The following TMEM33 variants were observed in gnomAD, a reference collection of about 807,000 sequenced individuals.
TMEM33 encodes transmembrane protein 33.
In TMEM33, 16 loss-of-function variants were observed where a neutral mutation model predicts 29.7. That is an observed-to-expected ratio of 0.54 (90% CI 0.36 to 0.82). The LOEUF (loss-of-function observed/expected upper bound fraction) is 0.82, where lower values mean the gene tolerates loss of function less well. Ranked by LOEUF, TMEM33 falls within the 40% of genes least tolerant of loss-of-function variation. The pLI is 0.00. For synonymous variants in TMEM33, 112 were observed against 109.4 expected, an observed-to-expected ratio of 1.02 and a Z score of -0.15; for missense variants, 252 against 295.3, an observed-to-expected ratio of 0.85 and a Z score of 1.08.
Position 41,957,035 on chromosome 4 carries a change from G to A in TMEM33, c.*2836G>A, listed in dbSNP as rs924435952. On this transcript the variant is annotated 3_prime_UTR_variant, in exon 7 of 7. Coordinates refer to ENST00000504986, the MANE Select transcript of TMEM33 (RefSeq NM_018126.3). ...TCATTGAACTTATTGTTAGTTACAG[G>A]TTTAAAAGAAGTTCATTTAACATCC... The A allele has an allele frequency of 6.6e-6, 1 of 152,120 alleles. No individual in the cohort carries two copies. The highest frequency in any genetic ancestry group is 6.5e-5 in the Admixed American group (1 of 15,268). The allele number at this position is 152,120 out of a possible 1,614,324, so 9.4% of individuals were successfully genotyped here.
In TMEM33 at chr4:41,956,814, T is replaced by C. The variant is rs1219235982; in HGVS notation, c.*2615T>C. The C allele has an allele frequency of 6.6e-6, 1 of 152,124 alleles. No individual in the cohort carries two copies. Among genetic ancestry groups the C allele is most frequent in the Non-Finnish European group, 1.5e-5 (1 of 68,004 alleles). 9.4% of individuals were successfully genotyped at this position (152,124 alleles called of 1,614,324 possible). A position where few individuals can be genotyped will look rare whatever the true frequency, so the allele number is the denominator to read the frequency against. ...ATCTTAAACTTACGAAAAAGTAAAT[T>C]TTACAATTTGAGCATTACTAGATGT... On this transcript the variant is annotated 3_prime_UTR_variant, in exon 7 of 7. Coordinates refer to ENST00000504986, the MANE Select transcript of TMEM33 (RefSeq NM_018126.3).
In TMEM33 at chr4:41,954,078, T is replaced by G; in HGVS notation, c.623T>G (p.Phe208Cys). ...ACTATTTTGTCTTGCAGGACCTTAT[T>G]TAATGAACTGAGGATTGTTGTTGAA... ...SRRNPYCRTLFNELRIVVEHI... is the reference protein window; with the variant it reads ...SRRNPYCRTLCNELRIVVEHI... The change falls in exon 7 of 7, where the codon TTT becomes TGT. Residue 208 changes from phenylalanine (F) to cysteine (C), a missense_variant. Physicochemically the swap from Phe to Cys is radical, Grantham distance 205. Coordinates refer to ENST00000504986, the MANE Select transcript of TMEM33 (RefSeq NM_018126.3). The G allele has an allele frequency of 6.2e-7, 1 of 1,613,706 alleles. No individual in the cohort carries two copies. The highest frequency in any genetic ancestry group is 8.5e-7 in the Non-Finnish European group (1 of 1,179,712).
intron 3 of TMEM33, among the ~76,000 whole-genome samples, chr4:41,940,787 G>A (rs573358489): frequency 1.5e-4 from 19 of 126,646 alleles, no homozygotes; most frequent in Middle Eastern, 7.0e-3. Flanking sequence ...TAGCCTGGGC[G>A]ACAGAGCGAG....
chr4:41,956,332 G>A lies in TMEM33; in HGVS notation c.*2133G>A, dbSNP rs1713266021. 1 of 152,042 alleles carries A rather than the reference G, an allele frequency of 6.6e-6. No homozygotes were observed. Among genetic ancestry groups the A allele is most frequent in the African/African-American group, 2.4e-5 (1 of 41,378 alleles). 9.4% of individuals were successfully genotyped at this position (152,042 alleles called of 1,614,324 possible). A position where few individuals can be genotyped will look rare whatever the true frequency, so the allele number is the denominator to read the frequency against. On this transcript the variant is annotated 3_prime_UTR_variant, in exon 7 of 7. Coordinates refer to ENST00000504986, the MANE Select transcript of TMEM33 (RefSeq NM_018126.3). ...AGTTCTTTTGCATACCCTTTACTCA[G>A]GTCCTCTCATGTTAACGTTTTACAT...
Position 41,954,471 on chromosome 4 carries a change from G to T in TMEM33, c.*272G>T. The T allele has an allele frequency of 4.5e-6, 1 of 220,226 alleles. No individual in the cohort carries two copies. Among genetic ancestry groups the T allele is most frequent in the Non-Finnish European group, 9.0e-6 (1 of 111,288 alleles). 13.6% of individuals were successfully genotyped at this position (220,226 alleles called of 1,614,324 possible). A position where few individuals can be genotyped will look rare whatever the true frequency, so the allele number is the denominator to read the frequency against. ...AGTTTTTTTAAAAAGATGCTGTTGT[G>T]CCTATATCATGAAGTACATTAATTT... On this transcript the variant is annotated 3_prime_UTR_variant, in exon 7 of 7. Coordinates refer to ENST00000504986, the MANE Select transcript of TMEM33 (RefSeq NM_018126.3).
rs1031735868 is a variant in TMEM33, at chr4:41,957,478, C to T, written c.*3279C>T. The T allele has an allele frequency of 2.6e-5, 4 of 151,874 alleles. No homozygotes were observed. The highest frequency in any genetic ancestry group is 6.6e-5 in the Admixed American group (1 of 15,264). 9.4% of individuals were successfully genotyped at this position (151,874 alleles called of 1,614,324 possible). On this transcript the variant is annotated 3_prime_UTR_variant, in exon 7 of 7. Transcript: ENST00000504986. ...ATGAAACCATCAATACTTCCTTCTT[C>T]CTAAAAATCCAGATCAAAACTTCAG... is the stretch of plus-strand genomic sequence containing the variant.
At chr4:41,939,431 A>G (rs1397283979) in intron 3 of TMEM33, 48 bp downstream of exon 3, 4 of 1,586,342 alleles carry the variant, frequency 2.5e-6, no homozygotes, top group Non-Finnish European at 3.4e-6. Context: ...CTAAGCATAT[A>G]GGAGATCTCT....
chr4:41,935,598 T>G, intron 1 of TMEM33, 69 bp downstream of exon 1: 1 of 1,497,276 alleles, frequency 6.7e-7, no homozygotes, highest in South Asian at 1.2e-5. Flanking sequence ...GCGTTGCGAG[T>G]CCCGAGGCGT....
chr4:41,940,807 CAAAAAAAAAAAA>C (rs11390153), intron 3 of TMEM33, among the ~76,000 whole-genome samples: 3 of 53,264 alleles, frequency 5.6e-5, no homozygotes, highest in East Asian at 6.5e-4. Context: ...GACTCCTTCT[CAAAAAAAAAAAA>C]AAAAAAAAAA....
At chr4:41,943,392 G>A (rs553296683) in intron 3 of TMEM33, among the ~76,000 whole-genome samples, 83 of 152,172 alleles carry the variant, frequency 5.5e-4, no homozygotes, top group Non-Finnish European at 9.3e-4. Flanking sequence ...GGGCGTGGTG[G>A]CAGGCGCCTA....
chr4:41,950,270 C>G (rs916042226), intron 6 of TMEM33, among the ~76,000 whole-genome samples: 1 of 152,050 alleles, frequency 6.6e-6, no homozygotes, highest in Admixed American at 6.6e-5. Context: ...AAATGATACT[C>G]AAATACTAAT....
chr4:41,938,942 G>GT (rs973278316), intron 2 of TMEM33, among the ~76,000 whole-genome samples: 17 of 151,976 alleles, frequency 1.1e-4, no homozygotes, highest in African/African-American at 4.1e-4. Flanking sequence ...ATAAGTTCAT[G>GT]TTTTTTTCAT....
At chr4:41,946,849 C>T (rs1712818139) in intron 5 of TMEM33, among the ~76,000 whole-genome samples, 1 of 152,036 alleles carries the variant, frequency 6.6e-6, no homozygotes, top group South Asian at 2.1e-4. Context: ...TTTTGTTATT[C>T]ATTTTTCTCG....
chr4:41,953,929 C>A, intron 6 of TMEM33, 141 bp from the exon 7 acceptor site: 1 of 984,418 alleles, frequency 1.0e-6, no homozygotes, highest in Non-Finnish European at 1.6e-6. Flanking sequence ...GAAAGTGGCA[C>A]TGATAGTCTT....
intron 3 of TMEM33, among the ~76,000 whole-genome samples, chr4:41,942,509 AT>A (rs1161041040): frequency 1.3e-5 from 2 of 152,184 alleles, no homozygotes; most frequent in East Asian, 3.9e-4. Context: ...AGCAATCACT[AT>A]TTCCTGTCAT....
intron 5 of TMEM33, among the ~76,000 whole-genome samples, chr4:41,948,483 T>C (rs1459063478): frequency 1.3e-5 from 2 of 152,116 alleles, no homozygotes; most frequent in East Asian, 3.8e-4. Flanking sequence ...ATGAAAATGA[T>C]ACAATTTAGA....
chr4:41,945,223 T>C (rs1712730438), intron 5 of TMEM33, among the ~76,000 whole-genome samples: 1 of 152,244 alleles, frequency 6.6e-6, no homozygotes, highest in Admixed American at 6.5e-5. Context: ...TCTGTCACTA[T>C]TGAGATGATG....
chr4:41,949,407 G>A (rs1336982126), intron 6 of TMEM33, 22 bp downstream of exon 6: 1 of 1,570,166 alleles, frequency 6.4e-7, no homozygotes, highest in Admixed American at 1.7e-5. Context: ...ATTATTTTAG[G>A]CATGTTTTAT....
At position 41,958,944 on chromosome 4, in the gene TMEM33, C is replaced by T. The variant is rs1440317801; in HGVS notation, c.*4745C>T. 6.6e-6 allele frequency: 1 copy of T among 151,554 alleles called. No homozygotes were observed. Among genetic ancestry groups the T allele is most frequent in the Non-Finnish European group, 1.5e-5 (1 of 68,098 alleles). The allele number at this position is 151,554 out of a possible 1,614,324, so 9.4% of individuals were successfully genotyped here. On this transcript the variant is annotated 3_prime_UTR_variant, in exon 7 of 7. Coordinates refer to ENST00000504986, the MANE Select transcript of TMEM33 (RefSeq NM_018126.3). ...TGTTGGTCAGGCTGGTCTTGAACTC[C>T]TGGCCTCAAGTGATCTGCCCGCCTC... is the stretch of plus-strand genomic sequence containing the variant.
Sources: allele counts gnomAD v4.1 joint callset (sites outside exome capture counted in the v4.1 genomes callset), GRCh38; gene constraint gnomAD v4.1.1; transcripts MANE v1.5; gene names NCBI Gene and HGNC (gene_info 2026-07-23, HGNC 2026-07-21).